The following ECT2L variants were observed in gnomAD, a reference collection of about 807,000 sequenced individuals.
ECT2L encodes the protein epithelial cell-transforming sequence 2 oncogene-like.
A neutral mutation model predicts 122.8 loss-of-function variants in ECT2L; 126 were observed. That is an observed-to-expected ratio of 1.03 (90% CI 0.89 to 1.19). The LOEUF (loss-of-function observed/expected upper bound fraction) is 1.19. Among genes scored for constraint, ECT2L ranks in the 50% most tolerant of loss-of-function variants. The pLI, the probability that ECT2L is intolerant of heterozygous loss-of-function variation, is 0.00. For synonymous variants in ECT2L, 385 were observed against 381.8 expected (o/e 1.01, Z -0.10); for missense variants, 1,012 against 1,064.1 (o/e 0.95, Z 0.68).
intron 4 of ECT2L, among the ~76,000 whole-genome samples, chr6:138,826,481 G>T (rs776418244): frequency 3.9e-4 from 60 of 152,210 alleles, no homozygotes; most frequent in Non-Finnish European, 8.2e-4. Flanking sequence ...GTTGAGACCA[G>T]CCTGGCCAAC....
intron 4 of ECT2L, among the ~76,000 whole-genome samples, chr6:138,830,053 C>T (rs370419660): frequency 1.4e-4 from 22 of 152,240 alleles, no homozygotes; most frequent in East Asian, 1.2e-3. Flanking sequence ...ATGGAATAAT[C>T]CCAATCTGTA....
chr6:138,841,277 T>A (rs1777030113), intron 5 of ECT2L, among the ~76,000 whole-genome samples: 2 of 152,228 alleles, frequency 1.3e-5, no homozygotes, highest in African/African-American at 4.8e-5. Flanking sequence ...CTATTGTGTG[T>A]TCTAGTTAAT....
At chr6:138,859,906 C>T (rs1379708495) in intron 10 of ECT2L, among the ~76,000 whole-genome samples, 5 of 151,912 alleles carry the variant, frequency 3.3e-5, no homozygotes, top group Admixed American at 1.3e-4. Flanking sequence ...CTTCTGCCTC[C>T]CAGGTTCAAG....
intron 3 of ECT2L, 73 bp from the exon 4 acceptor site, chr6:138,814,418 G>A: frequency 3.3e-6 from 3 of 908,648 alleles, no homozygotes; most frequent in Non-Finnish European, 5.1e-6. Context: ...CTGGTAGATT[G>A]TCTAAAGATT....
At chr6:138,896,126 C>T (rs1138990) in intron 20 of ECT2L, among the ~76,000 whole-genome samples, 87,253 of 148,546 alleles carry the variant, frequency 0.59, 26,033 homozygotes, top group Non-Finnish European at 0.64. Flanking sequence ...AGATGGGGTC[C>T]TCCCATGCTG....
At chr6:138,830,994 AC>A (rs1272272081) in intron 4 of ECT2L, among the ~76,000 whole-genome samples, 2 of 152,142 alleles carry the variant, frequency 1.3e-5, no homozygotes, top group Non-Finnish European at 2.9e-5. Flanking sequence ...TCTTGAGAAC[AC>A]CCCAAAACCA....
chr6:138,828,674 A>G (rs542009387), intron 4 of ECT2L, among the ~76,000 whole-genome samples: 2 of 152,326 alleles, frequency 1.3e-5, no homozygotes, highest in African/African-American at 4.8e-5. Flanking sequence ...TTCTATAAAG[A>G]GAAACTTTCC....
chr6:138,899,081 A>T (rs1239167027), intron 20 of ECT2L, among the ~76,000 whole-genome samples: 1 of 152,182 alleles, frequency 6.6e-6, no homozygotes, highest in Non-Finnish European at 1.5e-5. Context: ...TGTATCTGAC[A>T]GAAGAACAAA....
chr6:138,883,695 T>TAAATAA (rs1778716311), intron 16 of ECT2L, among the ~76,000 whole-genome samples: 1 of 152,208 alleles, frequency 6.6e-6, no homozygotes, highest in Non-Finnish European at 1.5e-5. Context: ...GTTACATAAA[T>TAAATAA]AAGGTAGTTT....
chr6:138,851,439 C>T lies in ECT2L; in HGVS notation c.1069+2005C>T, dbSNP rs565850983. 5.6e-4 allele frequency among the ~76,000 whole-genome samples: 85 copies of T among 151,504 alleles called. 1 individual carries two copies. The highest frequency in any genetic ancestry group is 8.7e-4 in the Non-Finnish European group (59 of 67,928). On this transcript the variant is annotated intron_variant, in intron 9 of 21. Transcript: ENST00000541398. ...CCTCAAGCAATCCTTCCACCTCAGC[C>T]CCTAATGTGCTAGAATTACAGGTGT...
rs763597678 is a variant in ECT2L, at chr6:138,882,846, C to G, written c.2003C>G (p.Pro668Arg). The change falls in exon 16 of 22, where the codon CCT becomes CGT. Residue 668 changes from proline (P) to arginine (R), a missense_variant. By Grantham distance (103) the Pro-to-Arg change is moderately radical. Transcript: ENST00000541398. ...TATACCAATTTCTTCAACAATTACC[C>G]TGTCATTCTGAAAACTATTGAGAAG... ...NTYTNFFNNY[P>R]VILKTIEKCR... 28 of 1,614,166 alleles carry G rather than the reference C, an allele frequency of 1.7e-5. No homozygotes were observed. Among genetic ancestry groups the G allele is most frequent in the Non-Finnish European group, 2.3e-5 (27 of 1,180,008 alleles).
chr6:138,889,037 C>T lies in ECT2L; in HGVS notation c.2414+6C>T. On this transcript the variant is annotated splice_donor_region_variant and intron_variant, in intron 20 of 21. Transcript: ENST00000541398. ...GAAATAAGTTTCTCTTTAAGGTAAA[C>T]AATAGTTAACTATCCTAAGGCTGTG... The T allele has an allele frequency of 6.6e-7, 1 of 1,507,648 alleles. No homozygotes were observed. Among genetic ancestry groups the T allele is most frequent in the Non-Finnish European group, 9.0e-7 (1 of 1,112,434 alleles). The allele number at this position is 1,507,648 out of a possible 1,614,324, so 93.4% of individuals were successfully genotyped here.
chr6:138,813,515 G>A (rs944806402), intron 3 of ECT2L, among the ~76,000 whole-genome samples, 175 bp downstream of exon 3: 2 of 152,186 alleles, frequency 1.3e-5, no homozygotes, highest in African/African-American at 4.8e-5. Flanking sequence ...TCTCACCCCA[G>A]TTCTCATCTC....
At chr6:138,895,649 C>T (rs1463095180) in intron 20 of ECT2L, among the ~76,000 whole-genome samples, 1 of 152,016 alleles carries the variant, frequency 6.6e-6, no homozygotes, top group African/African-American at 2.4e-5. Flanking sequence ...CGGCTCACTG[C>T]AACCTCTGCC....
chr6:138,887,123 CT>C (rs1778851998), intron 19 of ECT2L, among the ~76,000 whole-genome samples: 2 of 152,196 alleles, frequency 1.3e-5, no homozygotes, highest in African/African-American at 4.8e-5. Context: ...GAGCTTGCCC[CT>C]ATCCCATAAC....
chr6:138,851,270 C>G (rs899564099), intron 9 of ECT2L, among the ~76,000 whole-genome samples: 3 of 151,886 alleles, frequency 2.0e-5, no homozygotes, highest in African/African-American at 4.8e-5. Flanking sequence ...CTTATTGTAG[C>G]CTTGAACTCC....
At chr6:138,830,353 C>T (rs116699826) in intron 4 of ECT2L, among the ~76,000 whole-genome samples, 62 of 152,232 alleles carry the variant, frequency 4.1e-4, no homozygotes, top group African/African-American at 1.3e-3. Flanking sequence ...CCTGCTTCAA[C>T]GACTTAGCTT....
At chr6:138,885,621 G>C in intron 17 of ECT2L, 42 bp downstream of exon 17, 1 of 1,613,946 alleles carries the variant, frequency 6.2e-7, no homozygotes, top group Non-Finnish European at 8.5e-7. Flanking sequence ...CCCCCAGAGA[G>C]GGCATTCCTG....
chr6:138,902,470 T>C lies in ECT2L; in HGVS notation c.2588-30T>C, dbSNP rs1328565136. ...TCATTTTGATTGTTATCTGCAAAGA[T>C]TAATTAGTATACCTCAAATGCTTTT... On this transcript the variant is annotated intron_variant, in intron 21 of 21. Coordinates refer to ENST00000541398, the MANE Select transcript of ECT2L (RefSeq NM_001077706.3). The C allele has an allele frequency of 3.1e-6, 5 of 1,589,344 alleles. No individual in the cohort carries two copies. The South Asian group carries it at 4.6e-5, about 15-fold the overall frequency.
Sources: allele counts gnomAD v4.1 joint callset (sites outside exome capture counted in the v4.1 genomes callset), GRCh38; gene constraint gnomAD v4.1.1; transcripts MANE v1.5; gene names NCBI Gene and HGNC (gene_info 2026-07-23, HGNC 2026-07-21).